The following NELL1 variants were observed in gnomAD, a reference collection of about 807,000 sequenced individuals.
The protein encoded by NELL1 is neural EGFL like 1, also known as protein kinase C-binding protein NELL1.
NELL1 carries 76 observed loss-of-function variants against 107.4 expected under a neutral mutation model. That is an observed-to-expected ratio of 0.71 (90% confidence interval 0.59 to 0.86). NELL1 has a LOEUF of 0.86. Among genes scored for constraint, NELL1 ranks in the 40% least tolerant of loss-of-function variants. The pLI, the probability that NELL1 is intolerant of heterozygous loss-of-function variation, is 0.00. For synonymous variants in NELL1, 353 were observed against 341.2 expected, an observed-to-expected ratio of 1.03 and a Z score of -0.38; for missense variants, 1,024 against 1,005.5, an observed-to-expected ratio of 1.02 and a Z score of -0.25.
At chr11:21,408,483 A>G (rs929848011) in intron 15 of NELL1, among the ~76,000 whole-genome samples, 70 of 152,030 alleles carry the variant, frequency 4.6e-4, no homozygotes, top group Admixed American at 2.7e-3. Context: ...TAGAAGCTCT[A>G]CTTACAGACA....
At position 20,753,897 on chromosome 11, in the gene NELL1, C is replaced by CTTTGT. The variant is rs766225997; in HGVS notation, c.185-29764_185-29760dup. On this transcript the variant is annotated intron_variant, in intron 2 of 19. Coordinates refer to ENST00000357134, the MANE Select transcript of NELL1 (RefSeq NM_006157.5). ...TGGAAGATGCTACTCAAGTTGTTTG[C>CTTTGT]TTTGTTTTGTTTTGTTTTGTTTTCA... Among the ~76,000 whole-genome samples the CTTTGT allele has an allele frequency of 1.1e-4, 16 of 152,242 alleles. No individual in the cohort carries two copies. In the South Asian group the frequency reaches 1.9e-3, roughly 18 times the overall value.
At chr11:20,990,351 C>T (rs377349306) in intron 12 of NELL1, among the ~76,000 whole-genome samples, 5 of 152,150 alleles carry the variant, frequency 3.3e-5, no homozygotes, top group African/African-American at 4.8e-5. Context: ...CTCACCCAAC[C>T]GGTAACTATT....
chr11:20,877,154 C>T (rs1485466422), intron 4 of NELL1, among the ~76,000 whole-genome samples: 2 of 152,140 alleles, frequency 1.3e-5, no homozygotes, highest in Non-Finnish European at 2.9e-5. Context: ...CCAAGGAGCA[C>T]CTTGATATTC....
chr11:20,795,170 G>T (rs138162578), intron 3 of NELL1, among the ~76,000 whole-genome samples: 1 of 152,190 alleles, frequency 6.6e-6, no homozygotes. Context: ...GGGAGTTTGT[G>T]TTTCTTTAAA....
intron 15 of NELL1, among the ~76,000 whole-genome samples, chr11:21,423,323 T>C (rs1852738434): frequency 6.6e-6 from 1 of 151,994 alleles, no homozygotes; most frequent in Admixed American, 6.6e-5. Flanking sequence ...TGAGCTGAGA[T>C]TGCACCACTG....
intron 15 of NELL1, among the ~76,000 whole-genome samples, chr11:21,384,581 T>A (rs1193750658): frequency 1.3e-5 from 2 of 152,106 alleles, no homozygotes; most frequent in East Asian, 1.9e-4. Flanking sequence ...TATCTCCCAG[T>A]GCTATCCCTC....
chr11:21,127,593 GGAAGAGGAA>G (rs1855514594), intron 13 of NELL1, among the ~76,000 whole-genome samples: 2 of 129,872 alleles, frequency 1.5e-5, no homozygotes, highest in Admixed American at 1.6e-4. Flanking sequence ...AGGAAGAGGA[GGAAGAGGAA>G]GAAGAGGAAG....
intron 2 of NELL1, among the ~76,000 whole-genome samples, chr11:20,767,896 A>C (rs1199985909): frequency 1.3e-5 from 2 of 152,216 alleles, no homozygotes; most frequent in Non-Finnish European, 2.9e-5. Flanking sequence ...CAAGTATACT[A>C]ATAAATGAGT....
Position 20,880,127 on chromosome 11 carries a change from G to T in NELL1, c.507-5317G>T, listed in dbSNP as rs549198235. Among the ~76,000 whole-genome samples the T allele has an allele frequency of 4.6e-5, 7 of 152,310 alleles. No homozygotes were observed. In the South Asian group the frequency reaches 1.5e-3, roughly 32 times the overall value. ...ATTGTCGAAATGTATGGCAAAAATA[G>T]ACAATGAGTTCTTGCATTGTAACAT... is the stretch of plus-strand genomic sequence containing the variant. On this transcript the variant is annotated intron_variant, in intron 4 of 19. Coordinates refer to ENST00000357134, the MANE Select transcript of NELL1 (RefSeq NM_006157.5).
At chr11:21,452,842 A>G (rs1039120129) in intron 15 of NELL1, among the ~76,000 whole-genome samples, 2 of 151,946 alleles carry the variant, frequency 1.3e-5, no homozygotes, top group African/African-American at 4.8e-5. Flanking sequence ...AATATCCCAC[A>G]GATGTTTGTA....
Position 21,222,152 on chromosome 11 carries a change from T to C in NELL1, c.1427-7180T>C, listed in dbSNP as rs187127765. ...TTTCAAAAAACAAGCTTTTTGTTTC[T>C]TTGATCTTTTGTATTTTGTTTGTTT... On this transcript the variant is annotated intron_variant, in intron 13 of 19. Coordinates refer to ENST00000357134, the MANE Select transcript of NELL1 (RefSeq NM_006157.5). 4.6e-5 allele frequency among the ~76,000 whole-genome samples: 7 copies of C among 152,256 alleles called. No homozygotes were observed. In the East Asian group the frequency reaches 1.2e-3, roughly 25 times the overall value.
intron 15 of NELL1, among the ~76,000 whole-genome samples, chr11:21,517,962 A>C (rs78881016): frequency 0.027 from 4,079 of 152,062 alleles, 75 homozygotes; most frequent in Non-Finnish European, 0.04. Context: ...CTCTGGATCC[A>C]TGGTGAGCAG....
At chr11:20,685,087 A>G (rs1241605925) in intron 2 of NELL1, among the ~76,000 whole-genome samples, 2 of 152,002 alleles carry the variant, frequency 1.3e-5, no homozygotes, top group East Asian at 3.9e-4. Flanking sequence ...TGTGAAATCT[A>G]GGTGCCTTGG....
chr11:21,054,905 C>T (rs1465490794), intron 12 of NELL1, among the ~76,000 whole-genome samples: 3 of 151,884 alleles, frequency 2.0e-5, no homozygotes, highest in African/African-American at 7.2e-5. Flanking sequence ...TTATGTCATA[C>T]CCTTAAAATC....
chr11:20,745,036 T>C (rs1855973175), intron 2 of NELL1, among the ~76,000 whole-genome samples: 1 of 152,208 alleles, frequency 6.6e-6, no homozygotes, highest in African/African-American at 2.4e-5. Flanking sequence ...CATTACCCTA[T>C]TTTATCTTTT....
chr11:21,007,526 C>G (rs1043779170), intron 12 of NELL1, among the ~76,000 whole-genome samples: 3 of 152,172 alleles, frequency 2.0e-5, no homozygotes, highest in Middle Eastern at 3.4e-3. Context: ...TTGCCTGGAG[C>G]TTTTTGCATG....
chr11:21,164,917 CTTT>C (rs1856448357), intron 13 of NELL1, among the ~76,000 whole-genome samples: 1 of 152,118 alleles, frequency 6.6e-6, no homozygotes, highest in Non-Finnish European at 1.5e-5. Context: ...CCAGTATCTT[CTTT>C]ATTTTCTTTT....
intron 5 of NELL1, among the ~76,000 whole-genome samples, chr11:20,910,546 C>T (rs1436906536): frequency 6.6e-6 from 1 of 152,166 alleles, no homozygotes; most frequent in African/African-American, 2.4e-5. Flanking sequence ...CTGAGCAGTC[C>T]CAGGGGGGCC....
intron 13 of NELL1, among the ~76,000 whole-genome samples, chr11:21,124,167 C>A (rs1183111132): frequency 6.6e-6 from 1 of 151,952 alleles, no homozygotes; most frequent in Non-Finnish European, 1.5e-5. Flanking sequence ...AGACAATGAA[C>A]CTATATACAT....
Sources: allele counts gnomAD v4.1 joint callset (sites outside exome capture counted in the v4.1 genomes callset), GRCh38; gene constraint gnomAD v4.1.1; transcripts MANE v1.5; gene names NCBI Gene and HGNC (gene_info 2026-07-23, HGNC 2026-07-21).